ANKS1B: variants seen among roughly 807,000 people sequenced by gnomAD.
The protein encoded by ANKS1B is ankyrin repeat and sterile alpha motif domain-containing protein 1B.
Under a neutral mutation model 148.3 loss-of-function variants are expected in ANKS1B, and 36 were observed. That is an observed-to-expected ratio of 0.24 (90% confidence interval 0.19 to 0.32). ANKS1B has a LOEUF of 0.32. ANKS1B is among the 10% of genes least tolerant of loss of function. The pLI, the probability that ANKS1B is intolerant of heterozygous loss-of-function variation, is 1.00. For synonymous variants in ANKS1B, 542 were observed against 560.8 expected (o/e 0.97, Z 0.47); for missense variants, 1,157 against 1,542.6 (o/e 0.75, Z 4.19).
At chr12:99,468,858 C>T (rs2152894718) in intron 10 of ANKS1B, among the ~76,000 whole-genome samples, 1 of 152,220 alleles carries the variant, frequency 6.6e-6, no homozygotes, top group Middle Eastern at 3.4e-3. Flanking sequence ...CAAACTAGTT[C>T]AACCATTGTG....
chr12:99,702,652 C>A (rs546298437), intron 8 of ANKS1B, among the ~76,000 whole-genome samples: 1 of 151,386 alleles, frequency 6.6e-6, no homozygotes, highest in Non-Finnish European at 1.5e-5. Flanking sequence ...AAGCAATCCT[C>A]CCACTTCAGC....
At chr12:99,931,196 T>A (rs1393190800) in intron 1 of ANKS1B, among the ~76,000 whole-genome samples, 1 of 149,150 alleles carries the variant, frequency 6.7e-6, no homozygotes. Context: ...TGTTGTGGGG[T>A]CGGGGGAGAG....
At chr12:99,933,161 T>C (rs1309513275) in intron 1 of ANKS1B, among the ~76,000 whole-genome samples, 1 of 152,214 alleles carries the variant, frequency 6.6e-6, no homozygotes, top group East Asian at 1.9e-4. Context: ...TTGGTCACTA[T>C]AGCTCTGTAG....
chr12:98,961,332 A>T (rs540816373), intron 17 of ANKS1B, among the ~76,000 whole-genome samples: 1 of 152,246 alleles, frequency 6.6e-6, no homozygotes, highest in South Asian at 2.1e-4. Flanking sequence ...CTGGCATGAC[A>T]TATTTAATGT....
At chr12:99,717,197 C>T (rs952899868) in intron 8 of ANKS1B, among the ~76,000 whole-genome samples, 4 of 152,140 alleles carry the variant, frequency 2.6e-5, no homozygotes, top group African/African-American at 7.2e-5. Flanking sequence ...CATCTTATTA[C>T]CCAATCTGCT....
intron 26 of ANKS1B, among the ~76,000 whole-genome samples, chr12:98,750,238 A>T (rs1159433428): frequency 6.6e-6 from 1 of 152,018 alleles, no homozygotes; most frequent in Non-Finnish European, 1.5e-5. Context: ...GCATCGGAAG[A>T]AAGACTTCAG....
chr12:99,194,441 A>G (rs1169502573), intron 14 of ANKS1B, among the ~76,000 whole-genome samples: 2 of 151,844 alleles, frequency 1.3e-5, no homozygotes, highest in Non-Finnish European at 2.9e-5. Context: ...TTTTAAAAAT[A>G]GAGTTTCATA....
At chr12:99,394,880 C>T (rs1404682592) in intron 12 of ANKS1B, among the ~76,000 whole-genome samples, 1 of 151,672 alleles carries the variant, frequency 6.6e-6, no homozygotes, top group Non-Finnish European at 1.5e-5. Flanking sequence ...ATTCAGTAGG[C>T]ATCTCAAAAT....
chr12:99,495,572 A>G (rs1250333986), intron 10 of ANKS1B, among the ~76,000 whole-genome samples: 1 of 152,146 alleles, frequency 6.6e-6, no homozygotes, highest in East Asian at 1.9e-4. Context: ...TATCATGTAG[A>G]TATCTGCTTT....
At chr12:98,769,653 C>A (rs199785874) in intron 25 of ANKS1B, among the ~76,000 whole-genome samples, 4,467 of 152,150 alleles carry the variant, frequency 0.029, 105 homozygotes, top group Middle Eastern at 0.096. Flanking sequence ...ATATATATAT[C>A]ACACACACGT....
intron 14 of ANKS1B, among the ~76,000 whole-genome samples, chr12:99,218,774 T>C (rs7301835): frequency 6.6e-6 from 1 of 152,118 alleles, no homozygotes; most frequent in African/African-American, 2.4e-5. Context: ...GAGGATTACA[T>C]GAACTAATAG....
intron 1 of ANKS1B, among the ~76,000 whole-genome samples, chr12:99,857,526 T>C (rs2089353032): frequency 6.6e-6 from 1 of 151,784 alleles, no homozygotes; most frequent in African/African-American, 2.4e-5. Context: ...TTCACAGAAC[T>C]AAAAGAAAAT....
intron 16 of ANKS1B, among the ~76,000 whole-genome samples, chr12:99,074,034 C>T (rs7975384): frequency 0.65 from 99,244 of 151,946 alleles, 32,588 homozygotes; most frequent in East Asian, 0.8. Flanking sequence ...CAGCTCTAAA[C>T]TGTGATTATT....
intron 17 of ANKS1B, among the ~76,000 whole-genome samples, chr12:98,851,509 C>A (rs544858526): frequency 1.3e-5 from 2 of 152,198 alleles, no homozygotes; most frequent in African/African-American, 4.8e-5. Flanking sequence ...TTACTTAGTT[C>A]CCTATTAATT....
chr12:99,740,573 A>G (rs1239308956), intron 8 of ANKS1B, among the ~76,000 whole-genome samples: 1 of 152,164 alleles, frequency 6.6e-6, no homozygotes, highest in Admixed American at 6.5e-5. Flanking sequence ...CCATAACATC[A>G]AGTTAAATTA....
chr12:99,723,247 A>C (rs1157254143), intron 8 of ANKS1B, among the ~76,000 whole-genome samples: 1 of 152,160 alleles, frequency 6.6e-6, no homozygotes, highest in African/African-American at 2.4e-5. Context: ...TGCCTAACAC[A>C]CTAAGCTCCC....
intron 1 of ANKS1B, among the ~76,000 whole-genome samples, chr12:99,894,330 A>AGG (rs1466917379): frequency 1.0e-5 from 1 of 99,918 alleles, no homozygotes. Context: ...GGAGGGAGGG[A>AGG]AAGAAAAGAA....
intron 12 of ANKS1B, among the ~76,000 whole-genome samples, chr12:99,361,361 TAAA>T (rs1032059680): frequency 2.0e-5 from 3 of 152,152 alleles, no homozygotes; most frequent in African/African-American, 7.2e-5. Context: ...AGAAAACTGA[TAAA>T]AACAAACTAT....
At chr12:99,458,016 T>C (rs1595153432) in intron 10 of ANKS1B, among the ~76,000 whole-genome samples, 1 of 152,104 alleles carries the variant, frequency 6.6e-6, no homozygotes, top group Non-Finnish European at 1.5e-5. Flanking sequence ...AGATAGACCA[T>C]ATGATAGGCC....
Sources: allele counts gnomAD v4.1 joint callset (sites outside exome capture counted in the v4.1 genomes callset), GRCh38; gene constraint gnomAD v4.1.1; transcripts MANE v1.5; gene names NCBI Gene and HGNC (gene_info 2026-07-23, HGNC 2026-07-21).